The following ANKRD1 variants were observed in gnomAD, a reference collection of about 807,000 sequenced individuals.
ANKRD1 encodes the protein ankyrin repeat domain-containing protein 1.
In ANKRD1, 32 loss-of-function variants were observed where a neutral mutation model predicts 40.1. The observed-to-expected ratio is 0.80, with a 90% CI of 0.60 to 1.07. The LOEUF (loss-of-function observed/expected upper bound fraction) is 1.07. ANKRD1 is among the 50% of genes least tolerant of loss of function. The pLI is 0.00. For missense variants in ANKRD1, 359 were observed against 386.0 expected (o/e 0.93, Z 0.59); for synonymous variants, 149 against 141.2 (o/e 1.06, Z -0.39).
Position 90,916,370 on chromosome 10 carries a change from T to C in ANKRD1, c.553-101A>G, listed in dbSNP as rs4933200. On this transcript the variant is annotated intron_variant, in intron 5 of 8. Coordinates refer to ENST00000371697, the MANE Select transcript of ANKRD1 (RefSeq NM_014391.3). ...CCGTGAAAATAATGAGTTGTCCCCA[T>C]CTAGATTGACAATTCTAACTGGAGT... 138,538 of 841,694 alleles carry C rather than the reference T, an allele frequency of 0.16. 14,370 individuals are homozygous for C. Among genetic ancestry groups the C allele is most frequent in the African/African-American group, 0.36 (21,313 of 59,920 alleles). 52.1% of individuals were successfully genotyped at this position (841,694 alleles called of 1,614,324 possible). A position where few individuals can be genotyped will look rare whatever the true frequency, so the allele number is the denominator to read the frequency against.
At chr10:90,918,829 T>G in intron 4 of ANKRD1, 36 bp downstream of exon 4, 269 of 1,471,050 alleles carry the variant, frequency 1.8e-4, no homozygotes, top group Non-Finnish European at 2.3e-4. Context: ...ATAAAATTAA[T>G]GAGCTGGATT....
chr10:90,914,541 C>G (rs575095529), intron 8 of ANKRD1, among the ~76,000 whole-genome samples: 1 of 152,136 alleles, frequency 6.6e-6, no homozygotes, highest in South Asian at 2.1e-4. Flanking sequence ...ATTCCAATAT[C>G]TAGACTGAGG....
chr10:90,919,497 T>G (rs1847411589), intron 2 of ANKRD1, among the ~76,000 whole-genome samples: 1 of 152,232 alleles, frequency 6.6e-6, no homozygotes. Flanking sequence ...TTCTGTTGCT[T>G]GTAGAATCAG....
At position 90,919,350 on chromosome 10, in the gene ANKRD1, G is replaced by T; in HGVS notation, c.208-82C>A. On this transcript the variant is annotated intron_variant, in intron 2 of 8. Coordinates refer to ENST00000371697, the MANE Select transcript of ANKRD1 (RefSeq NM_014391.3). ...GTTGTGTCTAAACTAAATCTGCAAGGTCTGAGATAAACATGTGAACAGTTT... is the reference window on the plus strand; with the variant it reads ...GTTGTGTCTAAACTAAATCTGCAAGTTCTGAGATAAACATGTGAACAGTTT... The T allele has an allele frequency of 3.9e-6, 5 of 1,280,290 alleles. No homozygotes were observed. The South Asian group carries it at 5.2e-5, about 13-fold the overall frequency. 79.3% of individuals were successfully genotyped at this position (1,280,290 alleles called of 1,614,324 possible).
intron 2 of ANKRD1, among the ~76,000 whole-genome samples, chr10:90,919,554 G>A (rs889155043): frequency 3.9e-5 from 6 of 152,268 alleles, no homozygotes; most frequent in Non-Finnish European, 2.9e-5. Flanking sequence ...TGATGACTTT[G>A]TAATTAATGC....
chr10:90,918,953 G>A lies in ANKRD1; in HGVS notation c.365C>T (p.Pro122Leu), dbSNP rs746696408. 1.2e-6 allele frequency: 2 copies of A among 1,604,012 alleles called. No homozygotes were observed. Among genetic ancestry groups the A allele is most frequent in the Admixed American group, 3.4e-5 (2 of 59,434 alleles). ...PEIITEPVDV[P>L]TFLKAALENK... ...CTCCAGAGCAGCCTTCAGAAACGTA[G>A]GCACATCCACAGGTTCCGTCTAAAG... The change falls in exon 4 of 9, where the codon CCT (proline) becomes CTT (leucine). Residue 122 changes from proline to leucine, a missense_variant. Coordinates refer to ENST00000371697, the MANE Select transcript of ANKRD1 (RefSeq NM_014391.3).
chr10:90,920,997 A>T lies in ANKRD1; in HGVS notation c.27+4T>A, dbSNP rs376540175. The T allele has an allele frequency of 1.8e-4, 292 of 1,613,568 alleles. No individual in the cohort carries two copies. Among genetic ancestry groups the T allele is most frequent in the Non-Finnish European group, 2.4e-4 (285 of 1,179,594 alleles). On this transcript the variant is annotated splice_donor_region_variant and intron_variant, in intron 1 of 8. Coordinates refer to ENST00000371697, the MANE Select transcript of ANKRD1 (RefSeq NM_014391.3). Reference sequence around the variant, plus strand: ...ATTTTATAAAATTAATGCATCTTACATACCAGTTCCTCTACTTTCAGTACC... The same window carrying T: ...ATTTTATAAAATTAATGCATCTTACTTACCAGTTCCTCTACTTTCAGTACC...
rs752451600 is a variant in ANKRD1 at position 90,921,085 on chromosome 10, C to G, written c.-58G>C. ...CGTGGAAGGAATCCCTGGAGTTGGC[C>G]CTGCTGGGCCCCTCCACACCGGTCA... On this transcript the variant is annotated 5_prime_UTR_variant, in exon 1 of 9. Transcript: ENST00000371697. 32 of 1,562,342 alleles carry G rather than the reference C, an allele frequency of 2.0e-5. No individual in the cohort carries two copies. Among genetic ancestry groups the G allele is most frequent in the Middle Eastern group, 1.7e-4 (1 of 5,974 alleles).
chr10:90,913,610 A>T (rs1318282010), intron 8 of ANKRD1, among the ~76,000 whole-genome samples: 1 of 152,174 alleles, frequency 6.6e-6, no homozygotes, highest in Admixed American at 6.5e-5. Context: ...GTGTCTCAAG[A>T]TTTAAAAATA....
At chr10:90,918,091 C>G (rs1330113424) in intron 4 of ANKRD1, among the ~76,000 whole-genome samples, 1 of 121,604 alleles carries the variant, frequency 8.2e-6, no homozygotes, top group African/African-American at 2.5e-5. Flanking sequence ...AGGCTCAAAA[C>G]TATCTAAATG....
At chr10:90,919,339 A>G (rs960156000) in intron 2 of ANKRD1, 71 bp from the exon 3 acceptor site, 11 of 1,402,320 alleles carry the variant, frequency 7.8e-6, no homozygotes, top group Middle Eastern at 5.0e-4. Flanking sequence ...TGTCTAAACT[A>G]AATCTGCAAG....
intron 4 of ANKRD1, among the ~76,000 whole-genome samples, chr10:90,918,282 A>G (rs1021357884): frequency 2.0e-5 from 3 of 152,198 alleles, no homozygotes; most frequent in African/African-American, 7.2e-5. Flanking sequence ...ATTTCACTTC[A>G]TGGGGGAAAG....
rs17102350 is a variant in ANKRD1, at chr10:90,913,090, A to G, written c.850-114T>C. 1.2e-3 allele frequency: 1,227 copies of G among 996,350 alleles called. 9 individuals are homozygous for G. In the African/African-American group the frequency reaches 0.017, roughly 14 times the overall value. The allele number at this position is 996,350 out of a possible 1,614,324, so 61.7% of individuals were successfully genotyped here. ...TAGGTATATGTTATAACAGTGTTTT[A>G]TGGTTTCCACCAGGAGTGATCTGCA... On this transcript the variant is annotated intron_variant, in intron 8 of 8. Coordinates refer to ENST00000371697, the MANE Select transcript of ANKRD1 (RefSeq NM_014391.3).
At chr10:90,920,372 G>C (rs533790626) in intron 1 of ANKRD1, 24 bp from the exon 2 acceptor site, 2 of 1,613,364 alleles carry the variant, frequency 1.2e-6, no homozygotes, top group Admixed American at 1.7e-5. Context: ...AGATGGCAGC[G>C]TCAGAAGCAG....
chr10:90,912,981 T>A lies in ANKRD1; in HGVS notation c.850-5A>T. ...ATCCATCGGCGTCTTCCCAGCCTAA[T>A]CAAATGAGATAAGGAAAGTTGACTT... On this transcript the variant is annotated splice_polypyrimidine_tract_variant and splice_region_variant and intron_variant, in intron 8 of 8. Transcript: ENST00000371697. 6.2e-7 allele frequency: 1 copy of A among 1,613,688 alleles called. No homozygotes were observed. The highest frequency in any genetic ancestry group is 8.5e-7 in the Non-Finnish European group (1 of 1,179,564).
rs189226545 is a variant in ANKRD1, at chr10:90,913,338, T to C, written c.850-362A>G. Reference sequence around the variant, plus strand: ...ACTCCCGGAGGTGGGAGCATGCCTCTTGGACCAAGAATCAGTGCCTATCCA... The same window carrying C: ...ACTCCCGGAGGTGGGAGCATGCCTCCTGGACCAAGAATCAGTGCCTATCCA... On this transcript the variant is annotated intron_variant, in intron 8 of 8. Coordinates refer to ENST00000371697, the MANE Select transcript of ANKRD1 (RefSeq NM_014391.3). Among the ~76,000 whole-genome samples, 64 of 152,356 alleles carry C rather than the reference T, an allele frequency of 4.2e-4. No individual in the cohort carries two copies. The South Asian group carries it at 9.7e-3, about 23-fold the overall frequency.
rs1847424796 is a variant in ANKRD1 at position 90,920,425 on chromosome 10, G to T, written c.28-77C>A. The T allele has an allele frequency of 2.6e-6, 4 of 1,561,240 alleles. No homozygotes were observed. In the African/African-American group the frequency reaches 4.1e-5, roughly 16 times the overall value. Reference sequence around the variant, plus strand: ...ATTCTTCACAGACAATGCCGCAGGAGGCTCTTGGTCCTTCTCCCCTGGGAA... The same window carrying T: ...ATTCTTCACAGACAATGCCGCAGGATGCTCTTGGTCCTTCTCCCCTGGGAA... On this transcript the variant is annotated intron_variant, in intron 1 of 8. Transcript: ENST00000371697.
intron 8 of ANKRD1, among the ~76,000 whole-genome samples, chr10:90,914,204 A>G (rs541182488): frequency 3.2e-4 from 49 of 152,280 alleles, no homozygotes; most frequent in African/African-American, 1.1e-3. Context: ...TAGGTTATTG[A>G]TCTTTGGGGG....
Sources: gnomAD v4.1 joint callset for allele counts (sites outside exome capture counted in the v4.1 genomes callset) on GRCh38, gnomAD v4.1.1 for gene constraint, MANE v1.5 for transcripts, NCBI Gene and HGNC (gene_info 2026-07-23, HGNC 2026-07-21) for gene names.